TCF4: variants seen among roughly 807,000 people sequenced by gnomAD.
The protein encoded by TCF4 is SL3-3 enhancer factor 2.
TCF4 carries 3 observed loss-of-function variants against 82.1 expected under a neutral mutation model. The ratio of observed to expected loss-of-function variants is 0.04; its 90% CI spans 0.02 to 0.09. The LOEUF is 0.09. Among genes scored for constraint, TCF4 ranks in the 10% least tolerant of loss-of-function variants. The probability of loss-of-function intolerance (pLI) is 1.00; values close to 1 mark genes in which losing one functional copy is unlikely to be tolerated. For synonymous variants in TCF4, 276 were observed against 309.6 expected (o/e 0.89, Z 1.14); for missense variants, 518 against 852.7 (o/e 0.61, Z 4.89).
At chr18:55,469,283 G>A (rs1397499908) in intron 3 of TCF4, among the ~76,000 whole-genome samples, 1 of 152,064 alleles carries the variant, frequency 6.6e-6, no homozygotes, top group Non-Finnish European at 1.5e-5. Context: ...GGCCAAAATG[G>A]TGAGACCCCA....
At chr18:55,385,527 G>C (rs181916569) in intron 6 of TCF4, among the ~76,000 whole-genome samples, 2 of 152,060 alleles carry the variant, frequency 1.3e-5, no homozygotes, top group South Asian at 4.1e-4. Context: ...TCAGCATCCC[G>C]AGTAACTAGG....
intron 2 of TCF4, among the ~76,000 whole-genome samples, chr18:55,622,438 G>C (rs2097722303): frequency 6.7e-6 from 1 of 149,180 alleles, no homozygotes; most frequent in Non-Finnish European, 1.5e-5. Flanking sequence ...ACCCGAGGCA[G>C]AGGTTGCAGT....
chr18:55,621,750 A>G (rs1353199156), intron 2 of TCF4, among the ~76,000 whole-genome samples: 4 of 90,706 alleles, frequency 4.4e-5, no homozygotes, highest in Non-Finnish European at 5.7e-5. Flanking sequence ...TGTATTTATA[A>G]TTATAATTAT....
intron 3 of TCF4, among the ~76,000 whole-genome samples, chr18:55,561,786 C>A (rs915168479): frequency 2.0e-5 from 3 of 152,172 alleles, no homozygotes; most frequent in Non-Finnish European, 4.4e-5. Context: ...ATCCCTCATA[C>A]AAGAAAACTG....
chr18:55,270,928 C>T (rs999345616), intron 10 of TCF4, among the ~76,000 whole-genome samples: 3 of 152,034 alleles, frequency 2.0e-5, no homozygotes, highest in African/African-American at 7.2e-5. Flanking sequence ...TATATTAAAG[C>T]TAAAATACAC....
intron 2 of TCF4, among the ~76,000 whole-genome samples, chr18:55,616,093 A>G (rs950288605): frequency 2.0e-5 from 3 of 152,106 alleles, no homozygotes; most frequent in Non-Finnish European, 4.4e-5. Context: ...TTCATCTTGC[A>G]TAACTGAATC....
chr18:55,391,353 T>C (rs2093070857), intron 6 of TCF4, among the ~76,000 whole-genome samples: 1 of 152,168 alleles, frequency 6.6e-6, no homozygotes, highest in African/African-American at 2.4e-5. Flanking sequence ...TTACAATTCA[T>C]AATATATATA....
chr18:55,430,395 G>C (rs1474521951), intron 5 of TCF4, among the ~76,000 whole-genome samples: 2 of 152,190 alleles, frequency 1.3e-5, no homozygotes, highest in Admixed American at 6.5e-5. Context: ...TAATTTCCAA[G>C]TTTTCCAACA....
At chr18:55,343,395 G>C (rs2080447839) in intron 8 of TCF4, among the ~76,000 whole-genome samples, 1 of 152,102 alleles carries the variant, frequency 6.6e-6, no homozygotes, top group Non-Finnish European at 1.5e-5. Flanking sequence ...TACTCTGGAA[G>C]TAAGCACTTA....
upstream of TCF4, chr18:55,588,240 G>A: frequency 1.4e-6 from 2 of 1,408,064 alleles, no homozygotes; most frequent in Non-Finnish European, 1.8e-6. Context: ...TCTCTTCTCC[G>A]GGGAGGGGAG....
intron 3 of TCF4, among the ~76,000 whole-genome samples, chr18:55,505,876 A>G (rs546578738): frequency 1.3e-5 from 2 of 152,208 alleles, no homozygotes; most frequent in Admixed American, 6.5e-5. Flanking sequence ...AATCTGGGAA[A>G]CATACACCCA....
chr18:55,561,003 C>T, intron 3 of TCF4, among the ~76,000 whole-genome samples: 1 of 152,246 alleles, frequency 6.6e-6, no homozygotes, highest in East Asian at 1.9e-4. Flanking sequence ...CATTGCATGG[C>T]CCTAGCCAAA....
intron 3 of TCF4, among the ~76,000 whole-genome samples, chr18:55,518,456 T>G (rs535189957): frequency 6.6e-6 from 1 of 152,276 alleles, no homozygotes; most frequent in African/African-American, 2.4e-5. Flanking sequence ...AAGTAAATGA[T>G]GGTAAGTCTA....
At chr18:55,539,279 C>T (rs1328221324) in intron 3 of TCF4, among the ~76,000 whole-genome samples, 1 of 152,152 alleles carries the variant, frequency 6.6e-6, no homozygotes, top group African/African-American at 2.4e-5. Flanking sequence ...GCTACTGATT[C>T]TTATGTCACT....
intron 3 of TCF4, among the ~76,000 whole-genome samples, chr18:55,512,105 A>G (rs1046227176): frequency 6.6e-6 from 1 of 152,174 alleles, no homozygotes; most frequent in Non-Finnish European, 1.5e-5. Flanking sequence ...TAAGATAAAA[A>G]TAATACAAAT....
intron 3 of TCF4, among the ~76,000 whole-genome samples, chr18:55,572,791 C>T (rs757957228): frequency 2.0e-5 from 3 of 152,098 alleles, no homozygotes; most frequent in African/African-American, 4.8e-5. Context: ...CGGTGGCTCA[C>T]GCCTGTAATC....
At chr18:55,299,489 T>C (rs1334375420) in intron 8 of TCF4, among the ~76,000 whole-genome samples, 2 of 151,690 alleles carry the variant, frequency 1.3e-5, no homozygotes, top group African/African-American at 2.4e-5. Flanking sequence ...TTGCTTGTTT[T>C]CAGTTTAAAA....
intron 3 of TCF4, chr18:55,546,894 C>G (rs973146378): frequency 1.3e-5 from 2 of 152,188 alleles, no homozygotes; most frequent in Non-Finnish European, 2.9e-5. Flanking sequence ...AGGGAAAGCT[C>G]CCAGCACGTG....
At chr18:55,371,781 C>T (rs1183504048) in intron 6 of TCF4, among the ~76,000 whole-genome samples, 1 of 152,146 alleles carries the variant, frequency 6.6e-6, no homozygotes, top group African/African-American at 2.4e-5. Flanking sequence ...GAAATCCACC[C>T]TATGCTGAAA....
Sources: gnomAD v4.1 joint callset for allele counts (sites outside exome capture counted in the v4.1 genomes callset) on GRCh38, gnomAD v4.1.1 for gene constraint, MANE v1.5 for transcripts, NCBI Gene and HGNC (gene_info 2026-07-23, HGNC 2026-07-21) for gene names.